GALNT13: variants seen among roughly 807,000 people sequenced by gnomAD.
The protein encoded by GALNT13 is UDP-GalNAc:polypeptide N-acetylgalactosaminyltransferase 13.
GALNT13 carries 28 observed loss-of-function variants against 64.2 expected under a neutral mutation model. The observed-to-expected ratio is 0.44, with a 90% CI of 0.32 to 0.60. The LOEUF (loss-of-function observed/expected upper bound fraction) is 0.60, where lower values mean the gene tolerates loss of function less well. Among genes scored for constraint, GALNT13 ranks in the 20% least tolerant of loss-of-function variants. The pLI, the probability that GALNT13 is intolerant of heterozygous loss-of-function variation, is 0.05. For synonymous variants in GALNT13, 214 were observed against 224.6 expected, an observed-to-expected ratio of 0.95 and a Z score of 0.42; for missense variants, 577 against 669.8, an observed-to-expected ratio of 0.86 and a Z score of 1.53.
chr2:154,091,157 G>C (rs1453134507), intron 3 of GALNT13, among the ~76,000 whole-genome samples: 3 of 151,918 alleles, frequency 2.0e-5, no homozygotes, highest in African/African-American at 7.2e-5. Flanking sequence ...TTTGATGAAG[G>C]CTCTTACAAT....
At chr2:153,967,073 T>A (rs1290040622) in intron 3 of GALNT13, among the ~76,000 whole-genome samples, 1 of 152,132 alleles carries the variant, frequency 6.6e-6, no homozygotes, top group Non-Finnish European at 1.5e-5. Context: ...TTGCTTGATT[T>A]AAAAAAATTA....
the GALNT13 span, among the ~76,000 whole-genome samples, chr2:153,297,358 C>A: frequency 6.6e-6 from 1 of 152,110 alleles, no homozygotes; most frequent in African/African-American, 2.4e-5. Flanking sequence ...AACTGTGAAG[C>A]AGTGAGGATA....
intron 3 of GALNT13, among the ~76,000 whole-genome samples, chr2:154,069,597 A>G (rs1338813841): frequency 6.6e-6 from 1 of 152,014 alleles, no homozygotes; most frequent in Non-Finnish European, 1.5e-5. Flanking sequence ...TAATATTTAT[A>G]TGAAATTCAA....
At chr2:154,264,388 G>A (rs1476506446) in intron 8 of GALNT13, among the ~76,000 whole-genome samples, 2 of 150,358 alleles carry the variant, frequency 1.3e-5, no homozygotes, top group Non-Finnish European at 2.9e-5. Flanking sequence ...TTGAGAGATC[G>A]AGCAGGCAGA....
chr2:154,273,274 C>T (rs2105925848), intron 8 of GALNT13, among the ~76,000 whole-genome samples: 1 of 152,100 alleles, frequency 6.6e-6, no homozygotes, highest in East Asian at 1.9e-4. Context: ...GGGCTGATAC[C>T]AGATGACAGG....
intron 3 of GALNT13, among the ~76,000 whole-genome samples, chr2:154,035,091 A>G (rs922818856): frequency 1.1e-4 from 17 of 152,130 alleles, no homozygotes; most frequent in Admixed American, 1.1e-3. Context: ...TCACAGCACT[A>G]TTCACAATAG....
intron 9 of GALNT13, among the ~76,000 whole-genome samples, chr2:154,339,426 A>T (rs779035466): frequency 6.6e-6 from 1 of 152,116 alleles, no homozygotes; most frequent in Non-Finnish European, 1.5e-5. Context: ...TTAGGTTAGA[A>T]TTAACCCTGT....
the GALNT13 span, among the ~76,000 whole-genome samples, chr2:153,075,178 G>T: frequency 6.6e-6 from 1 of 152,168 alleles, no homozygotes; most frequent in Non-Finnish European, 1.5e-5. Context: ...GCTAAAACCT[G>T]AAATCAGCTG....
chr2:153,345,641 T>TTC, the GALNT13 span, among the ~76,000 whole-genome samples: 5 of 101,574 alleles, frequency 4.9e-5, no homozygotes, highest in East Asian at 9.7e-4. Context: ...TTCTTTTTCT[T>TTC]TCTTTCTTTC....
At chr2:153,207,698 A>G in the GALNT13 span, among the ~76,000 whole-genome samples, 2 of 152,294 alleles carry the variant, frequency 1.3e-5, no homozygotes, top group East Asian at 3.9e-4. Context: ...GTGACCAGTT[A>G]TTTATATTAG....
chr2:154,276,944 C>T (rs1460286384), intron 8 of GALNT13, among the ~76,000 whole-genome samples: 1 of 152,150 alleles, frequency 6.6e-6, no homozygotes, highest in African/African-American at 2.4e-5. Flanking sequence ...TAAGGCCTTC[C>T]CAGCCATGCT....
chr2:153,830,738 G>T, the GALNT13 span, among the ~76,000 whole-genome samples: 1 of 152,022 alleles, frequency 6.6e-6, no homozygotes, highest in Admixed American at 6.6e-5. Context: ...GCACAAATTT[G>T]TAAAACTTGT....
chr2:154,342,849 C>CGA (rs751775637), intron 9 of GALNT13, among the ~76,000 whole-genome samples: 14 of 144,044 alleles, frequency 9.7e-5, no homozygotes, highest in African/African-American at 3.7e-4. Flanking sequence ...TGTGTGTGTG[C>CGA]GAGATTTCTT....
At chr2:153,880,007 T>TAAAC (rs1357234703) in intron 1 of GALNT13, among the ~76,000 whole-genome samples, 2 of 152,128 alleles carry the variant, frequency 1.3e-5, no homozygotes, top group Non-Finnish European at 2.9e-5. Flanking sequence ...ATTTGGAAAA[T>TAAAC]AAACAGCTGT....
At position 154,025,315 on chromosome 2, in the gene GALNT13, C is replaced by G. The variant is rs147381413; in HGVS notation, c.142+80676C>G. Among the ~76,000 whole-genome samples, 233 of 152,272 alleles carry G rather than the reference C, an allele frequency of 1.5e-3. 1 individual carries two copies. Among genetic ancestry groups the G allele is most frequent in the African/African-American group, 5.2e-3 (218 of 41,556 alleles). ...CTATTTGGCCATCTTGGCTCCTCCC[C>G]CCATGTTTAAATGTTTATCAAAAAA... On this transcript the variant is annotated intron_variant, in intron 3 of 12. Coordinates refer to ENST00000392825, the MANE Select transcript of GALNT13 (RefSeq NM_052917.4).
At chr2:153,182,644 T>C in the GALNT13 span, among the ~76,000 whole-genome samples, 1 of 152,102 alleles carries the variant, frequency 6.6e-6, no homozygotes, top group Admixed American at 6.5e-5. Flanking sequence ...GTGTGTTGCT[T>C]CGCACCATCT....
intron 3 of GALNT13, among the ~76,000 whole-genome samples, chr2:154,033,012 A>C (rs1698439794): frequency 6.6e-6 from 1 of 151,972 alleles, no homozygotes; most frequent in Admixed American, 6.6e-5. Flanking sequence ...GGTGCGAAAG[A>C]TACAGTCACA....
At chr2:153,481,732 G>C in the GALNT13 span, among the ~76,000 whole-genome samples, 1 of 152,108 alleles carries the variant, frequency 6.6e-6, no homozygotes, top group East Asian at 1.9e-4. Flanking sequence ...TTCTGTAAAG[G>C]TATTTTTACA....
At chr2:153,073,328 ATAAAT>A in the GALNT13 span, among the ~76,000 whole-genome samples, 1 of 151,954 alleles carries the variant, frequency 6.6e-6, no homozygotes, top group Non-Finnish European at 1.5e-5. Flanking sequence ...TTCTAGTACT[ATAAAT>A]TAATAATAAA....
Sources: allele counts gnomAD v4.1 joint callset (sites outside exome capture counted in the v4.1 genomes callset), GRCh38; gene constraint gnomAD v4.1.1; transcripts MANE v1.5; gene names NCBI Gene and HGNC (gene_info 2026-07-23, HGNC 2026-07-21).